Variants in RIT2 observed in about 807,000 individuals in gnomAD.
The protein encoded by RIT2 is GTP-binding protein Rit2.
Under a neutral mutation model 23.7 loss-of-function variants are expected in RIT2, and 24 were observed. The observed-to-expected ratio is 1.01, with a 90% CI of 0.73 to 1.43. The LOEUF (loss-of-function observed/expected upper bound fraction) is 1.43. Among genes scored for constraint, RIT2 ranks in the 40% most tolerant of loss-of-function variants. The pLI, the probability that RIT2 is intolerant of heterozygous loss-of-function variation, is 0.00. For synonymous variants in RIT2, 107 were observed against 91.1 expected (o/e 1.17, Z -0.99); for missense variants, 236 against 266.9 (o/e 0.88, Z 0.81).
intron 4 of RIT2, among the ~76,000 whole-genome samples, chr18:42,769,870 AATAATAAT>A (rs1913508723): frequency 6.7e-6 from 1 of 148,668 alleles, no homozygotes; most frequent in African/African-American, 2.5e-5. Flanking sequence ...TAATAATAAT[AATAATAAT>A]AAAGATATAC....
At chr18:42,788,035 T>C (rs1913961087) in intron 4 of RIT2, among the ~76,000 whole-genome samples, 2 of 152,124 alleles carry the variant, frequency 1.3e-5, no homozygotes, top group South Asian at 4.1e-4. Flanking sequence ...GAAAATTTGA[T>C]AATTTATTAA....
At chr18:43,043,918 T>C (rs956366987) in intron 1 of RIT2, among the ~76,000 whole-genome samples, 2 of 152,132 alleles carry the variant, frequency 1.3e-5, no homozygotes, top group Non-Finnish European at 2.9e-5. Flanking sequence ...TAAATTGCAT[T>C]GAGTTGAGGA....
intron 3 of RIT2, among the ~76,000 whole-genome samples, chr18:42,924,909 T>A (rs1250965260): frequency 1.3e-5 from 2 of 152,090 alleles, no homozygotes; most frequent in Non-Finnish European, 2.9e-5. Context: ...CAGAGAGTGA[T>A]AAAGCTAATA....
At chr18:43,096,069 C>T (rs545141952) in intron 1 of RIT2, among the ~76,000 whole-genome samples, 5 of 151,774 alleles carry the variant, frequency 3.3e-5, no homozygotes, top group African/African-American at 7.2e-5. Flanking sequence ...CAGAACAATC[C>T]GGAAAAGTGA....
chr18:42,990,006 GAT>G (rs1002451150), intron 2 of RIT2, among the ~76,000 whole-genome samples: 8 of 80,500 alleles, frequency 9.9e-5, no homozygotes, highest in African/African-American at 3.0e-4. Flanking sequence ...TGTATTTACA[GAT>G]ATGTGTGTGT....
At chr18:42,915,440 T>C (rs1273382808) in intron 4 of RIT2, among the ~76,000 whole-genome samples, 1 of 152,110 alleles carries the variant, frequency 6.6e-6, no homozygotes, top group East Asian at 1.9e-4. Flanking sequence ...GGATTCCATT[T>C]CAAGGAACCG....
intron 3 of RIT2, among the ~76,000 whole-genome samples, chr18:42,944,507 G>A (rs948460936): frequency 4.6e-5 from 7 of 152,062 alleles, no homozygotes; most frequent in African/African-American, 1.7e-4. Context: ...GGCCAGATGG[G>A]TGGGCCCCTG....
chr18:43,074,303 G>A (rs189536087), intron 1 of RIT2, among the ~76,000 whole-genome samples: 102 of 152,198 alleles, frequency 6.7e-4, no homozygotes, highest in African/African-American at 2.3e-3. Flanking sequence ...TTTTCTTTGC[G>A]TATGTTTGTA....
At chr18:42,951,905 C>A (rs961584550) in intron 3 of RIT2, among the ~76,000 whole-genome samples, 2 of 152,134 alleles carry the variant, frequency 1.3e-5, no homozygotes, top group African/African-American at 4.8e-5. Context: ...CACAGTTCCG[C>A]ATGGCTAAGG....
chr18:42,796,503 T>G (rs909566336), intron 4 of RIT2, among the ~76,000 whole-genome samples: 1 of 152,186 alleles, frequency 6.6e-6, no homozygotes, highest in Non-Finnish European at 1.5e-5. Flanking sequence ...GGGTTTTACA[T>G]GGGTTTTTCT....
At chr18:42,890,343 C>T (rs549279940) in intron 4 of RIT2, among the ~76,000 whole-genome samples, 1 of 151,950 alleles carries the variant, frequency 6.6e-6, no homozygotes, top group East Asian at 1.9e-4. Flanking sequence ...AATGATATAC[C>T]CAACAATGAG....
At chr18:42,970,768 T>A (rs1002279811) in intron 3 of RIT2, among the ~76,000 whole-genome samples, 4 of 152,080 alleles carry the variant, frequency 2.6e-5, no homozygotes, top group African/African-American at 9.7e-5. Context: ...GCACTATTGT[T>A]CATTCTTAAT....
chr18:42,837,323 A>C (rs1906642731), intron 4 of RIT2, among the ~76,000 whole-genome samples: 1 of 151,570 alleles, frequency 6.6e-6, no homozygotes, highest in Admixed American at 6.6e-5. Flanking sequence ...GCCTGCCACC[A>C]AGCCTGGATA....
intron 2 of RIT2, among the ~76,000 whole-genome samples, chr18:42,992,464 C>T (rs921513009): frequency 6.6e-6 from 1 of 152,146 alleles, no homozygotes; most frequent in African/African-American, 2.4e-5. Flanking sequence ...TCCCACCTGT[C>T]CCCTCAGTCC....
intron 4 of RIT2, among the ~76,000 whole-genome samples, chr18:42,857,712 T>C (rs181499374): frequency 2.6e-5 from 4 of 152,280 alleles, no homozygotes; most frequent in Non-Finnish European, 5.9e-5. Context: ...TTTGCATACA[T>C]TGATATGAAG....
chr18:42,913,269 G>A (rs1015319437), intron 4 of RIT2, among the ~76,000 whole-genome samples: 2 of 150,506 alleles, frequency 1.3e-5, no homozygotes, highest in Non-Finnish European at 3.0e-5. Flanking sequence ...GAAACAAAAT[G>A]ATAGAATTTT....
intron 4 of RIT2, among the ~76,000 whole-genome samples, chr18:42,874,500 A>C (rs1419151638): frequency 6.6e-6 from 1 of 152,136 alleles, no homozygotes; most frequent in African/African-American, 2.4e-5. Flanking sequence ...GCATTGTTGA[A>C]GTCTTTAGAT....
chr18:42,920,628 T>G, intron 4 of RIT2: 1 of 1,087,074 alleles, frequency 9.2e-7, no homozygotes, highest in Non-Finnish European at 1.4e-6. Flanking sequence ...TTTTTTTTCT[T>G]TTTATCTTTT....
chr18:42,751,282 GTCTTTAGCTAAATCCATAAAT>G (rs1489609551), intron 4 of RIT2, among the ~76,000 whole-genome samples: 1 of 151,648 alleles, frequency 6.6e-6, no homozygotes, highest in Non-Finnish European at 1.5e-5. Flanking sequence ...TTGAAGTTAA[GTCTTTAGCTAAATCCATAAAT>G]TCTTTAAGTG....
Sources: gnomAD v4.1 joint callset for allele counts (sites outside exome capture counted in the v4.1 genomes callset) on GRCh38, gnomAD v4.1.1 for gene constraint, MANE v1.5 for transcripts, NCBI Gene and HGNC (gene_info 2026-07-23, HGNC 2026-07-21) for gene names.